ETV2: variants seen among roughly 807,000 people sequenced by gnomAD.
ETV2 encodes the protein ETS translocation variant 2.
In ETV2, 34 loss-of-function variants were observed where a neutral mutation model predicts 35.7. The ratio of observed to expected loss-of-function variants is 0.95; its 90% confidence interval spans 0.72 to 1.27. The LOEUF (loss-of-function observed/expected upper bound fraction) is 1.27. Ranked by LOEUF, ETV2 falls within the 50% of genes most tolerant of loss-of-function variation. The probability of loss-of-function intolerance (pLI) is 0.00; values close to 1 mark genes in which losing one functional copy is unlikely to be tolerated. For missense variants in ETV2, 512 were observed against 470.5 expected, an observed-to-expected ratio of 1.09 and a Z score of -0.82; for synonymous variants, 207 against 203.9, an observed-to-expected ratio of 1.02 and a Z score of -0.13.
chr19:35,644,359 C>A lies in ETV2; in HGVS notation c.828+12C>A. 1 of 1,452,308 alleles carries A rather than the reference C, an allele frequency of 6.9e-7. No individual in the cohort carries two copies. Among genetic ancestry groups the A allele is most frequent in the Non-Finnish European group, 9.2e-7 (1 of 1,089,818 alleles). The allele number at this position is 1,452,308 out of a possible 1,614,324, so 90.0% of individuals were successfully genotyped here. A position where few individuals can be genotyped will look rare whatever the true frequency, so the allele number is the denominator to read the frequency against. On this transcript the variant is annotated intron_variant, in intron 6 of 6. Coordinates refer to ENST00000402764, the MANE Select transcript of ETV2 (RefSeq NM_014209.4). The surrounding 1 kb of genome is among the most constrained non-coding windows in gnomAD (Gnocchi z 4.7). ...GCGACCCCAAAGAGGTGGGGCAGCTCCCCTGCCCAGCCAAATCCGCCCCGT... is the reference window on the plus strand; with the variant it reads ...GCGACCCCAAAGAGGTGGGGCAGCTACCCTGCCCAGCCAAATCCGCCCCGT...
Position 35,644,363 on chromosome 19 carries a change from T to C in ETV2, c.828+16T>C, listed in dbSNP as rs1272419551. ...CCCCAAAGAGGTGGGGCAGCTCCCC[T>C]GCCCAGCCAAATCCGCCCCGTCTCT... On this transcript the variant is annotated intron_variant, in intron 6 of 6. Transcript: ENST00000402764. The surrounding 1 kb of genome is among the most constrained non-coding windows in gnomAD (Gnocchi z 4.7). 3 of 1,430,546 alleles carry C rather than the reference T, an allele frequency of 2.1e-6. No individual in the cohort carries two copies. The highest frequency in any genetic ancestry group is 2.5e-5 in the South Asian group (2 of 80,244). The allele number at this position is 1,430,546 out of a possible 1,614,324, so 88.6% of individuals were successfully genotyped here. A position where few individuals can be genotyped will look rare whatever the true frequency, so the allele number is the denominator to read the frequency against.
In ETV2 at chr19:35,643,837, A is replaced by G; in HGVS notation, c.715+84A>G. On this transcript the variant is annotated intron_variant, in intron 5 of 6. Transcript: ENST00000402764. The surrounding 1 kb of genome is among the most constrained non-coding windows in gnomAD (Gnocchi z 5.0). The stretch of plus-strand genomic sequence containing the variant: ...GGCACCTAAGGGGGCGGGGCCCGGG[A>G]GACTGACAGTGAGGGGGCGGGGGCT... 5 of 1,572,128 alleles carry G rather than the reference A, an allele frequency of 3.2e-6. No individual in the cohort carries two copies. The highest frequency in any genetic ancestry group is 4.3e-6 in the Non-Finnish European group (5 of 1,161,110).
chr19:35,644,167 T>C lies in ETV2; in HGVS notation c.716-68T>C. 3.6e-6 allele frequency: 4 copies of C among 1,100,600 alleles called. No individual in the cohort carries two copies. Among genetic ancestry groups the C allele is most frequent in the Non-Finnish European group, 5.4e-6 (4 of 739,602 alleles). 68.2% of individuals were successfully genotyped at this position (1,100,600 alleles called of 1,614,324 possible). A position where few individuals can be genotyped will look rare whatever the true frequency, so the allele number is the denominator to read the frequency against. Reference sequence around the variant, plus strand: ...GTCCCGAGTTGGGAGGACCCGGACCTCTAGATCATTGAAGTGGTGTGATCT... The same window carrying C: ...GTCCCGAGTTGGGAGGACCCGGACCCCTAGATCATTGAAGTGGTGTGATCT... On this transcript the variant is annotated intron_variant, in intron 5 of 6. Transcript: ENST00000402764. This position sits in a 1 kb window ranked among gnomAD's most constrained non-coding sequence, Gnocchi z 4.7.
chr19:35,641,784 C>A lies in ETV2; in HGVS notation c.-400C>A. On this transcript the variant is annotated 5_prime_UTR_variant, in exon 1 of 7. Coordinates refer to ENST00000402764, the MANE Select transcript of ETV2 (RefSeq NM_014209.4). ...CTTAGCCCAGCTGACCCCAGACCCT[C>A]TCCCCTCACTCCCCCCATGTCGCAG... The A allele has an allele frequency of 6.6e-6, 1 of 152,466 alleles. No homozygotes were observed. 9.4% of individuals were successfully genotyped at this position (152,466 alleles called of 1,614,324 possible). A position where few individuals can be genotyped will look rare whatever the true frequency, so the allele number is the denominator to read the frequency against.
Position 35,642,331 on chromosome 19 carries a change from C to T in ETV2, c.-27-103C>T. ...CTCCTGGGGAAGGAGGGAGCGGAGG[C>T]CTGGACTCCTGGCTCTGAGGGAAGC... On this transcript the variant is annotated intron_variant, in intron 1 of 6. Coordinates refer to ENST00000402764, the MANE Select transcript of ETV2 (RefSeq NM_014209.4). The surrounding 1 kb of genome is among the most constrained non-coding windows in gnomAD (Gnocchi z 4.4). 1.6e-6 allele frequency: 1 copy of T among 621,432 alleles called. No individual in the cohort carries two copies. The highest frequency in any genetic ancestry group is 2.8e-6 in the Non-Finnish European group (1 of 358,476). The allele number at this position is 621,432 out of a possible 1,614,324, so 38.5% of individuals were successfully genotyped here. A position where few individuals can be genotyped will look rare whatever the true frequency, so the allele number is the denominator to read the frequency against.
At position 35,644,674 on chromosome 19, in the gene ETV2, G is replaced by A. The variant is rs1397709802; in HGVS notation, c.851G>A (p.Arg284His). 1 of 1,603,984 alleles carries A rather than the reference G, an allele frequency of 6.2e-7. No individual in the cohort carries two copies. The change falls in exon 7 of 7, where the codon CGC becomes CAC. Residue 284 changes from arginine (R) to histidine (H), a missense_variant. Physicochemically the swap from Arg to His is conservative, Grantham distance 29. Transcript: ENST00000402764. This position sits in a 1 kb window ranked among gnomAD's most constrained non-coding sequence, Gnocchi z 4.7. ...PKEVARLWGE[R>H]KRKPGMNYEK... ...TAGGTGGCTCGGCTGTGGGGCGAGC[G>A]CAAGAGAAAGCCGGGCATGAATTAC...
At position 35,643,523 on chromosome 19, in the gene ETV2, G is replaced by A. The variant is rs1010343699; in HGVS notation, c.485G>A (p.Gly162Asp). The change falls in exon 5 of 7, where the codon GGC (glycine) becomes GAC (aspartate). Residue 162 changes from glycine (G) to aspartate (D), a missense_variant. Physicochemically the swap from Gly to Asp is moderately conservative, Grantham distance 94. Coordinates refer to ENST00000402764, the MANE Select transcript of ETV2 (RefSeq NM_014209.4). This position sits in a 1 kb window ranked among gnomAD's most constrained non-coding sequence, Gnocchi z 5.0. ...TGGGACTGTTCTGTGGGGCCCGACG[G>A]CGATACCTACTGGGGCAGTGGCCTG... is the stretch of plus-strand genomic sequence containing the variant. ...TSWDCSVGPD[G>D]DTYWGSGLGG... The A allele has an allele frequency of 6.5e-7, 1 of 1,550,292 alleles. No homozygotes were observed. The highest frequency in any genetic ancestry group is 2.0e-5 in the Admixed American group (1 of 50,464).
Position 35,643,382 on chromosome 19 carries a change from G to A in ETV2, c.344G>A (p.Gly115Asp), listed in dbSNP as rs562022066. ...ASQTLGPAPL[G>D]PGPIPAAGSE... ...CAGACCCTGGGCCCCGCCCCTCTCG[G>A]CCCGGGCCCCATCCCCGCCGCCGGC... Residue 115 changes from glycine to aspartate, a missense_variant, in exon 5 of 7, where the codon GGC becomes GAC. Coordinates refer to ENST00000402764, the MANE Select transcript of ETV2 (RefSeq NM_014209.4). The surrounding 1 kb of genome is among the most constrained non-coding windows in gnomAD (Gnocchi z 5.0). 2 of 1,557,116 alleles carry A rather than the reference G, an allele frequency of 1.3e-6. No homozygotes were observed. The highest frequency in any genetic ancestry group is 1.7e-6 in the Non-Finnish European group (2 of 1,152,562).
Position 35,644,230 on chromosome 19 carries a change from C to G in ETV2, c.716-5C>G, listed in dbSNP as rs1967703055. ...ACTGAGTGTGCCCCTCCCTTCATCC[C>G]GCAGGTCCCATTCAGCTGTGGCAGT... On this transcript the variant is annotated splice_region_variant and splice_polypyrimidine_tract_variant and intron_variant, in intron 5 of 6. Coordinates refer to ENST00000402764, the MANE Select transcript of ETV2 (RefSeq NM_014209.4). This position sits in a 1 kb window ranked among gnomAD's most constrained non-coding sequence, Gnocchi z 4.7. 6.5e-7 allele frequency: 1 copy of G among 1,544,558 alleles called. No homozygotes were observed.
In ETV2 at chr19:35,642,562, G is replaced by A; in HGVS notation, c.70+32G>A. 1 of 1,613,730 alleles carries A rather than the reference G, an allele frequency of 6.2e-7. No individual in the cohort carries two copies. The highest frequency in any genetic ancestry group is 8.5e-7 in the Non-Finnish European group (1 of 1,179,782). On this transcript the variant is annotated intron_variant, in intron 2 of 6. Transcript: ENST00000402764. This position sits in a 1 kb window ranked among gnomAD's most constrained non-coding sequence, Gnocchi z 4.4. Reference sequence around the variant, plus strand: ...TGCCGAGGCTGCCACAACGTGTGTGGGGAGGGTGTCCAGGTGGGGCCTCTG... The same window carrying A: ...TGCCGAGGCTGCCACAACGTGTGTGAGGAGGGTGTCCAGGTGGGGCCTCTG...
In ETV2 at chr19:35,642,236, G is replaced by T. The variant is rs1967619694; in HGVS notation, c.-28+80G>T. Reference sequence around the variant, plus strand: ...GGGGACTAGACTCCCAAGAAGCCGGGGGCCTGGACTCCTGGGTCTAACAGA... The same window carrying T: ...GGGGACTAGACTCCCAAGAAGCCGGTGGCCTGGACTCCTGGGTCTAACAGA... On this transcript the variant is annotated intron_variant, in intron 1 of 6. Transcript: ENST00000402764. The surrounding 1 kb of genome is among the most constrained non-coding windows in gnomAD (Gnocchi z 4.4). 12 of 459,790 alleles carry T rather than the reference G, an allele frequency of 2.6e-5. No homozygotes were observed. The South Asian group carries it at 3.5e-4, about 14-fold the overall frequency. The allele number at this position is 459,790 out of a possible 1,614,324, so 28.5% of individuals were successfully genotyped here. A position where few individuals can be genotyped will look rare whatever the true frequency, so the allele number is the denominator to read the frequency against.
Position 35,644,509 on chromosome 19 carries a change from T to A in ETV2, c.829-143T>A. ...CTCAAACCCAATCTCCCGCCTGTAC[T>A]CCTGCCTCAACCAACCCAGTCTCCA... On this transcript the variant is annotated intron_variant, in intron 6 of 6. Coordinates refer to ENST00000402764, the MANE Select transcript of ETV2 (RefSeq NM_014209.4). The surrounding 1 kb of genome is among the most constrained non-coding windows in gnomAD (Gnocchi z 4.7). 1 of 943,830 alleles carries A rather than the reference T, an allele frequency of 1.1e-6. No homozygotes were observed. The highest frequency in any genetic ancestry group is 1.6e-6 in the Non-Finnish European group (1 of 630,592). 58.5% of individuals were successfully genotyped at this position (943,830 alleles called of 1,614,324 possible).
At position 35,643,506 on chromosome 19, in the gene ETV2, T is replaced by C; in HGVS notation, c.468T>C (p.Cys156=). 1.3e-6 allele frequency: 2 copies of C among 1,549,568 alleles called. No homozygotes were observed. Among genetic ancestry groups the C allele is most frequent in the Non-Finnish European group, 1.7e-6 (2 of 1,146,466 alleles). The part of the protein sequence containing the change: ...QAAGSNTSWD[C]SVGPDGDTYW... ...CCGGGAGCAACACCAGCTGGGACTG[T>C]TCTGTGGGGCCCGACGGCGATACCT... The change falls in exon 5 of 7, where the codon TGT becomes TGC. Residue 156 remains cysteine (C), a synonymous_variant. Transcript: ENST00000402764. The surrounding 1 kb of genome is among the most constrained non-coding windows in gnomAD (Gnocchi z 5.0).
In ETV2 at chr19:35,644,564, G is replaced by A; in HGVS notation, c.829-88G>A. ...GCTCTGCGAGGCCTCGCCCAGGTCT[G>A]CACTGCACACCGCCCCCAGGCCCGG... On this transcript the variant is annotated intron_variant, in intron 6 of 6. Coordinates refer to ENST00000402764, the MANE Select transcript of ETV2 (RefSeq NM_014209.4). This position sits in a 1 kb window ranked among gnomAD's most constrained non-coding sequence, Gnocchi z 4.7. 2 of 1,327,586 alleles carry A rather than the reference G, an allele frequency of 1.5e-6. No individual in the cohort carries two copies. Among genetic ancestry groups the A allele is most frequent in the Non-Finnish European group, 2.1e-6 (2 of 970,690 alleles). 82.2% of individuals were successfully genotyped at this position (1,327,586 alleles called of 1,614,324 possible).
In ETV2 at chr19:35,644,479, C is replaced by T. The variant is rs958962180; in HGVS notation, c.828+132C>T. 1.1e-6 allele frequency: 1 copy of T among 911,588 alleles called. No individual in the cohort carries two copies. Among genetic ancestry groups the T allele is most frequent in the Non-Finnish European group, 1.7e-6 (1 of 597,874 alleles). The allele number at this position is 911,588 out of a possible 1,614,324, so 56.5% of individuals were successfully genotyped here. A position where few individuals can be genotyped will look rare whatever the true frequency, so the allele number is the denominator to read the frequency against. On this transcript the variant is annotated intron_variant, in intron 6 of 6. Coordinates refer to ENST00000402764, the MANE Select transcript of ETV2 (RefSeq NM_014209.4). This position sits in a 1 kb window ranked among gnomAD's most constrained non-coding sequence, Gnocchi z 4.7. ...CCGGCCCACTCGAGGCCCCGCCCAA[C>T]CCTTCTCAAACCCAATCTCCCGCCT...
At position 35,642,960 on chromosome 19, in the gene ETV2, C is replaced by T; in HGVS notation, c.155-5C>T. 6.4e-7 allele frequency: 1 copy of T among 1,552,216 alleles called. No individual in the cohort carries two copies. Among genetic ancestry groups the T allele is most frequent in the South Asian group, 1.2e-5 (1 of 85,158 alleles). ...TTCATTGCTCACAGTCCTCCCTAAA[C>T]TCAGGTACAAGCTCATCCCTGGCAA... On this transcript the variant is annotated splice_region_variant and splice_polypyrimidine_tract_variant and intron_variant, in intron 3 of 6. Transcript: ENST00000402764. This position sits in a 1 kb window ranked among gnomAD's most constrained non-coding sequence, Gnocchi z 4.4.
In ETV2 at chr19:35,643,466, C is replaced by A; in HGVS notation, c.428C>A (p.Ser143Ter). 1 of 1,547,608 alleles carries A rather than the reference C, an allele frequency of 6.5e-7. No homozygotes were observed. Among genetic ancestry groups the A allele is most frequent in the South Asian group, 1.2e-5 (1 of 83,848 alleles). The change falls in exon 5 of 7, where the codon TCG becomes TAG. Residue 143 changes from serine (S) to a stop codon, truncating the protein, a stop_gained. Coordinates refer to ENST00000402764, the MANE Select transcript of ETV2 (RefSeq NM_014209.4). LOFTEE classifies it high-confidence loss of function. This position sits in a 1 kb window ranked among gnomAD's most constrained non-coding sequence, Gnocchi z 5.0. ...GTGGCGGGAGAGGCCACCTCGTGGT[C>A]GCGCGCCCAGGCCGCCGGGAGCAAC... ...VPVAGEATSW[S>*]RAQAAGSNTS...
rs1308576144 is a variant in ETV2, at chr19:35,644,556, C to T, written c.829-96C>T. On this transcript the variant is annotated intron_variant, in intron 6 of 6. Coordinates refer to ENST00000402764, the MANE Select transcript of ETV2 (RefSeq NM_014209.4). This position sits in a 1 kb window ranked among gnomAD's most constrained non-coding sequence, Gnocchi z 4.7. ...TCCACCGGGCTCTGCGAGGCCTCGC[C>T]CAGGTCTGCACTGCACACCGCCCCC... 1.9e-5 allele frequency: 24 copies of T among 1,245,986 alleles called. No homozygotes were observed. Among genetic ancestry groups the T allele is most frequent in the Non-Finnish European group, 2.5e-5 (23 of 905,350 alleles). The allele number at this position is 1,245,986 out of a possible 1,614,324, so 77.2% of individuals were successfully genotyped here.
At position 35,642,982 on chromosome 19, in the gene ETV2, GCAAGC is replaced by G. The variant is rs751099558; in HGVS notation, c.173_177del (p.Ala58ValfsTer177). 13 of 1,573,078 alleles carry G rather than the reference GCAAGC, an allele frequency of 8.3e-6. No homozygotes were observed. The East Asian group carries it at 3.0e-4, about 36-fold the overall frequency. On this transcript the variant is annotated frameshift_variant, in exon 4 of 7. Coordinates refer to ENST00000402764, the MANE Select transcript of ETV2 (RefSeq NM_014209.4). LOFTEE classifies it high-confidence loss of function. The surrounding 1 kb of genome is among the most constrained non-coding windows in gnomAD (Gnocchi z 4.4). ...AAACTCAGGTACAAGCTCATCCCTG[GCAAGC>G]TTCCCACAGCTGGACTGGGGCTCCG...
Sources: allele counts gnomAD v4.1 joint callset, GRCh38; gene constraint gnomAD v4.1.1; non-coding constraint Gnocchi (gnomAD v3.1); transcripts MANE v1.5; gene names NCBI Gene and HGNC (gene_info 2026-07-23, HGNC 2026-07-21).